ASH1L: variants seen among roughly 807,000 people sequenced by gnomAD.
ASH1L encodes the protein histone-lysine N-methyltransferase ASH1L.
ASH1L carries 23 observed loss-of-function variants against 269.0 expected under a neutral mutation model. That is an observed-to-expected ratio of 0.09 (90% CI 0.06 to 0.12). The LOEUF (loss-of-function observed/expected upper bound fraction) is 0.12. ASH1L is among the 10% of genes least tolerant of loss of function. The probability of loss-of-function intolerance (pLI) is 1.00; values close to 1 mark genes in which losing one functional copy is unlikely to be tolerated. For missense variants in ASH1L, 2,912 were observed against 3,567.8 expected, an observed-to-expected ratio of 0.82 and a Z score of 4.68; for synonymous variants, 1,187 against 1,253.5, an observed-to-expected ratio of 0.95 and a Z score of 1.12.
Position 155,562,460 on chromosome 1 carries a change from G to A in ASH1L, c.-407C>T, listed in dbSNP as rs756534455. The A allele has an allele frequency of 2.1e-6, 3 of 1,454,710 alleles. No individual in the cohort carries two copies. The highest frequency in any genetic ancestry group is 2.0e-5 in the Admixed American group (1 of 50,516). 90.1% of individuals were successfully genotyped at this position (1,454,710 alleles called of 1,614,324 possible). A position where few individuals can be genotyped will look rare whatever the true frequency, so the allele number is the denominator to read the frequency against. On this transcript the variant is annotated 5_prime_UTR_variant, in exon 1 of 28. Coordinates refer to ENST00000392403, the MANE Select transcript of ASH1L (RefSeq NM_018489.3). The stretch of plus-strand genomic sequence containing the variant: ...GCGGCGGCGGCAGCAGCAGAGTGGC[G>A]GCGGTGGCGGCGGCAGCTCCTCCAG...
chr1:155,411,780 C>T (rs974196295), intron 6 of ASH1L, among the ~76,000 whole-genome samples: 24 of 150,070 alleles, frequency 1.6e-4, no homozygotes, highest in African/African-American at 4.4e-4. Flanking sequence ...GATTCTGGGC[C>T]AAGAAAACCC....
chr1:155,388,768 G>A (rs1480384980), intron 7 of ASH1L, among the ~76,000 whole-genome samples: 2 of 145,706 alleles, frequency 1.4e-5, no homozygotes, highest in Non-Finnish European at 3.0e-5. Flanking sequence ...CACCCAGGCT[G>A]GAGTGCGCTG....
intron 4 of ASH1L, chr1:155,440,411 C>T (rs1483623439): frequency 5.6e-6 from 1 of 179,068 alleles, no homozygotes; most frequent in Non-Finnish European, 1.1e-5. Context: ...CTATAATATC[C>T]TTTGATTAAC....
intron 1 of ASH1L, among the ~76,000 whole-genome samples, chr1:155,544,899 G>A (rs111987732): frequency 0.047 from 7,185 of 151,736 alleles, 588 homozygotes; most frequent in African/African-American, 0.17. Context: ...TTGGCCGGGC[G>A]CAGTGGCCCA....
chr1:155,339,479 G>T, intron 25 of ASH1L, 111 bp from the exon 26 acceptor site: 1 of 876,714 alleles, frequency 1.1e-6, no homozygotes, highest in South Asian at 1.6e-5. Flanking sequence ...CAAGTTGGGT[G>T]ACTTTGTTTT....
At chr1:155,536,974 G>A (rs1670098764) in intron 1 of ASH1L, among the ~76,000 whole-genome samples, 1 of 151,608 alleles carries the variant, frequency 6.6e-6, no homozygotes. Flanking sequence ...GAACCCTGGA[G>A]GCGAGGCTTG....
Position 155,337,714 on chromosome 1 carries a change from G to A in ASH1L, c.8841C>T (p.Gly2947=). The A allele has an allele frequency of 2.5e-6, 4 of 1,614,034 alleles. No homozygotes were observed. The highest frequency in any genetic ancestry group is 3.4e-6 in the Non-Finnish European group (4 of 1,179,920). The change falls in exon 28 of 28, where the codon GGC becomes GGT. Residue 2947 remains glycine (G), a synonymous_variant. Transcript: ENST00000392403. ...DVTYLLEEGS[G]RKLRRRTLFI... ...ACAAAGTACGCCTTCGCAGTTTCCTGCCTGATCCTTCCTCCAGCAAGTAGG... is the reference window on the plus strand; with the variant it reads ...ACAAAGTACGCCTTCGCAGTTTCCTACCTGATCCTTCCTCCAGCAAGTAGG...
At chr1:155,492,839 G>A (rs1279856643) in intron 2 of ASH1L, among the ~76,000 whole-genome samples, 1 of 148,938 alleles carries the variant, frequency 6.7e-6, no homozygotes, top group African/African-American at 2.5e-5. Flanking sequence ...CCTTGTTTTT[G>A]TTTGAGACAA....
At chr1:155,382,105 G>A (rs566973275) in intron 7 of ASH1L, among the ~76,000 whole-genome samples, 1 of 152,102 alleles carries the variant, frequency 6.6e-6, no homozygotes, top group South Asian at 2.1e-4. Flanking sequence ...TACTCAGGAG[G>A]CTGAGGCAGG....
chr1:155,551,277 G>C (rs973162313), intron 1 of ASH1L, among the ~76,000 whole-genome samples: 6 of 145,396 alleles, frequency 4.1e-5, no homozygotes, highest in Admixed American at 1.3e-4. Flanking sequence ...TCTTTTCCTC[G>C]GGGGGGAAAA....
At chr1:155,441,894 T>G (rs1662609749) in intron 4 of ASH1L, among the ~76,000 whole-genome samples, 2 of 151,186 alleles carry the variant, frequency 1.3e-5, no homozygotes, top group Admixed American at 6.6e-5. Context: ...GCCTCCTGAG[T>G]AGCTGGGACT....
intron 2 of ASH1L, among the ~76,000 whole-genome samples, chr1:155,502,606 A>T (rs902799011): frequency 6.6e-6 from 1 of 152,178 alleles, no homozygotes; most frequent in Non-Finnish European, 1.5e-5. Flanking sequence ...AAATCAATTA[A>T]TAATTATTAT....
At chr1:155,344,381 T>TATACCAC (rs1335771144) in intron 21 of ASH1L, 108 bp from the exon 22 acceptor site, 2 of 801,284 alleles carry the variant, frequency 2.5e-6, no homozygotes, top group African/African-American at 3.5e-5. Flanking sequence ...GTCATTTCAA[T>TATACCAC]ATACCACAGA....
chr1:155,485,002 T>C (rs1441672228), intron 2 of ASH1L, among the ~76,000 whole-genome samples: 1 of 150,150 alleles, frequency 6.7e-6, no homozygotes, highest in East Asian at 2.0e-4. Context: ...CTCATGCCTG[T>C]AATCCCAGCA....
rs140351033 is a variant in ASH1L at position 155,425,326 on chromosome 1, G to A, written c.5829-9403C>T. 3.7e-3 allele frequency among the ~76,000 whole-genome samples: 551 copies of A among 147,900 alleles called. 5 individuals are homozygous for A. The highest frequency in any genetic ancestry group is 0.013 in the African/African-American group (528 of 39,972). On this transcript the variant is annotated intron_variant, in intron 5 of 27. Coordinates refer to ENST00000392403, the MANE Select transcript of ASH1L (RefSeq NM_018489.3). ...AGAGTCTTCCTCTGTCGCCCAGGCT[G>A]GAGTGCAGTGGCGCGATCTCGGATC...
intron 2 of ASH1L, among the ~76,000 whole-genome samples, chr1:155,494,828 G>A (rs1204672802): frequency 2.0e-5 from 3 of 152,168 alleles, no homozygotes; most frequent in African/African-American, 4.8e-5. Flanking sequence ...ACATAACCGA[G>A]TGAGGGTGAA....
At chr1:155,412,004 G>A (rs983952376) in intron 6 of ASH1L, among the ~76,000 whole-genome samples, 1 of 152,030 alleles carries the variant, frequency 6.6e-6, no homozygotes, top group Non-Finnish European at 1.5e-5. Context: ...CACTTTGGGA[G>A]GCTGAGGTGG....
At chr1:155,486,100 C>A (rs1325945924) in intron 2 of ASH1L, among the ~76,000 whole-genome samples, 1 of 152,184 alleles carries the variant, frequency 6.6e-6, no homozygotes, top group Non-Finnish European at 1.5e-5. Flanking sequence ...CATTTGAACT[C>A]AACCAAAATA....
At position 155,562,440 on chromosome 1, in the gene ASH1L, G is replaced by GGCGGCAGCAGCA. The variant is rs1485216902; in HGVS notation, c.-399_-388dup. ...TGGCGGCGGGAGCGGCGGCGGCGGCGGCGGCAGCAGCAGAGTGGCGGCGGT... is the reference window on the plus strand; with the variant it reads ...TGGCGGCGGGAGCGGCGGCGGCGGCGGCGGCAGCAGCAGCGGCAGCAGCAGAGTGGCGGCGGT... On this transcript the variant is annotated 5_prime_UTR_variant, in exon 1 of 28. Transcript: ENST00000392403. The GGCGGCAGCAGCA allele has an allele frequency of 1.0e-5, 15 of 1,468,174 alleles. No individual in the cohort carries two copies. In the African/African-American group the frequency reaches 1.5e-4, roughly 15 times the overall value. 90.9% of individuals were successfully genotyped at this position (1,468,174 alleles called of 1,614,324 possible). A position where few individuals can be genotyped will look rare whatever the true frequency, so the allele number is the denominator to read the frequency against.
Sources: allele counts gnomAD v4.1 joint callset (sites outside exome capture counted in the v4.1 genomes callset), GRCh38; gene constraint gnomAD v4.1.1; transcripts MANE v1.5; gene names NCBI Gene and HGNC (gene_info 2026-07-23, HGNC 2026-07-21).